The following EYS variants were observed in gnomAD, a reference collection of about 807,000 sequenced individuals.
EYS encodes protein eyes shut homolog.
In EYS, 250 loss-of-function variants were observed where a neutral mutation model predicts 282.1. The observed-to-expected ratio is 0.89, with a 90% CI of 0.80 to 0.98. The LOEUF (loss-of-function observed/expected upper bound fraction) is 0.98, where lower values mean the gene tolerates loss of function less well. EYS is among the 50% of genes least tolerant of loss of function. The pLI is 0.00. For missense variants in EYS, 4,016 were observed against 3,709.0 expected, an observed-to-expected ratio of 1.08 and a Z score of -2.15; for synonymous variants, 1,355 against 1,282.9, an observed-to-expected ratio of 1.06 and a Z score of -1.20.
intron 26 of EYS, among the ~76,000 whole-genome samples, chr6:64,578,302 C>A (rs1173232594): frequency 6.6e-6 from 1 of 152,068 alleles, no homozygotes; most frequent in Non-Finnish European, 1.5e-5. Context: ...CTTCATCCTC[C>A]ACAAGTCTCT....
chr6:65,668,859 C>T (rs115279715), intron 1 of EYS, among the ~76,000 whole-genome samples: 1,943 of 151,884 alleles, frequency 0.013, 31 homozygotes, highest in African/African-American at 0.043. Flanking sequence ...CAGTAGATTA[C>T]GCTGCTTTAA....
intron 5 of EYS, among the ~76,000 whole-genome samples, chr6:65,462,427 C>A (rs1000035067): frequency 2.0e-5 from 3 of 151,956 alleles, no homozygotes; most frequent in Non-Finnish European, 4.4e-5. Context: ...TCATAGAACT[C>A]TGCACACACA....
At chr6:65,561,703 T>C (rs1471185329) in intron 2 of EYS, among the ~76,000 whole-genome samples, 1 of 152,088 alleles carries the variant, frequency 6.6e-6, no homozygotes, top group Non-Finnish European at 1.5e-5. Flanking sequence ...ATCTTAAAAA[T>C]ATGTAGGGCT....
intron 19 of EYS, among the ~76,000 whole-genome samples, chr6:64,844,744 A>G (rs1274890574): frequency 1.3e-5 from 2 of 152,138 alleles, no homozygotes; most frequent in Non-Finnish European, 2.9e-5. Context: ...GGACTTTTAT[A>G]CTAACAAAAT....
intron 15 of EYS, among the ~76,000 whole-genome samples, chr6:64,926,201 C>T (rs1238464355): frequency 2.6e-5 from 4 of 152,178 alleles, no homozygotes; most frequent in Non-Finnish European, 5.9e-5. Flanking sequence ...AGAGGGAGCA[C>T]CCAAGTACTG....
chr6:64,703,273 T>C (rs192924443), intron 22 of EYS, among the ~76,000 whole-genome samples: 388 of 151,020 alleles, frequency 2.6e-3, no homozygotes, highest in Non-Finnish European at 4.5e-3. Flanking sequence ...ATTAATATCC[T>C]TGTTGTATTG....
At chr6:64,813,641 T>C in intron 21 of EYS, 64 bp from the exon 22 acceptor site, 1 of 973,950 alleles carries the variant, frequency 1.0e-6, no homozygotes. Context: ...TTAATATAAT[T>C]ATATTTTTAT....
chr6:63,720,362 C>T lies in EYS; in HGVS notation c.*234G>A, dbSNP rs1426059521. On this transcript the variant is annotated 3_prime_UTR_variant, in exon 43 of 43. Transcript: ENST00000503581. ...AATAAGCACATTCTGTGAATAAGCACTGAACTAATGGAGTTAAAACATGAA... is the reference window on the plus strand; with the variant it reads ...AATAAGCACATTCTGTGAATAAGCATTGAACTAATGGAGTTAAAACATGAA... 2 of 440,260 alleles carry T rather than the reference C, an allele frequency of 4.5e-6. No individual in the cohort carries two copies. Among genetic ancestry groups the T allele is most frequent in the African/African-American group, 4.1e-5 (2 of 48,952 alleles). 27.3% of individuals were successfully genotyped at this position (440,260 alleles called of 1,614,324 possible). A position where few individuals can be genotyped will look rare whatever the true frequency, so the allele number is the denominator to read the frequency against.
At chr6:64,136,395 T>G (rs947899743) in intron 31 of EYS, among the ~76,000 whole-genome samples, 4 of 152,148 alleles carry the variant, frequency 2.6e-5, no homozygotes, top group Non-Finnish European at 4.4e-5. Context: ...CCCCTTCCCA[T>G]GAATCATAAA....
At chr6:64,463,117 T>C (rs1775806476) in intron 26 of EYS, among the ~76,000 whole-genome samples, 1 of 151,866 alleles carries the variant, frequency 6.6e-6, no homozygotes, top group African/African-American at 2.4e-5. Flanking sequence ...CGGCTATTTA[T>C]TTTTTGGATT....
intron 33 of EYS, among the ~76,000 whole-genome samples, chr6:64,022,978 C>T (rs1769265007): frequency 6.6e-6 from 1 of 152,196 alleles, no homozygotes; most frequent in African/African-American, 2.4e-5. Context: ...TTTTACTCGA[C>T]TTCAACAAAC....
intron 19 of EYS, among the ~76,000 whole-genome samples, chr6:64,824,464 T>C (rs1764990969): frequency 6.6e-6 from 1 of 151,970 alleles, no homozygotes; most frequent in South Asian, 2.1e-4. Context: ...ATGTTTAACA[T>C]TTTATTACTT....
At chr6:65,414,677 T>G (rs1767162405) in intron 5 of EYS, among the ~76,000 whole-genome samples, 1 of 152,108 alleles carries the variant, frequency 6.6e-6, no homozygotes, top group East Asian at 1.9e-4. Flanking sequence ...CTTTTAGATA[T>G]GTTAATTTCA....
chr6:64,422,196 A>C (rs974349764), intron 28 of EYS, among the ~76,000 whole-genome samples: 21 of 151,804 alleles, frequency 1.4e-4, no homozygotes, highest in Admixed American at 2.0e-4. Context: ...TTTTTTTTCT[A>C]ATAAAGACAT....
intron 41 of EYS, among the ~76,000 whole-genome samples, chr6:63,753,029 T>C (rs933739677): frequency 1.3e-5 from 2 of 151,376 alleles, no homozygotes; most frequent in Non-Finnish European, 2.9e-5. Context: ...TTTTTCTTCC[T>C]GTCCCTTCTT....
At chr6:64,415,797 G>A (rs936824906) in intron 28 of EYS, among the ~76,000 whole-genome samples, 4 of 152,140 alleles carry the variant, frequency 2.6e-5, no homozygotes, top group African/African-American at 9.7e-5. Context: ...TTAGCATCTC[G>A]TAAGGAAATG....
intron 28 of EYS, among the ~76,000 whole-genome samples, chr6:64,428,610 A>G (rs1422066796): frequency 2.0e-5 from 3 of 152,146 alleles, no homozygotes; most frequent in Non-Finnish European, 2.9e-5. Context: ...CTTTGTTTCC[A>G]TAAGTTGTTG....
intron 5 of EYS, among the ~76,000 whole-genome samples, chr6:65,417,383 A>G (rs755055563): frequency 1.3e-5 from 2 of 152,078 alleles, no homozygotes; most frequent in Non-Finnish European, 2.9e-5. Flanking sequence ...ATGAAAGTTT[A>G]GCAGTTAAAA....
intron 18 of EYS, among the ~76,000 whole-genome samples, chr6:64,899,918 A>G (rs902280451): frequency 1.3e-5 from 2 of 152,130 alleles, no homozygotes; most frequent in Non-Finnish European, 2.9e-5. Flanking sequence ...GAGCCCATAT[A>G]CCCAAGACAA....
Sources: gnomAD v4.1 joint callset for allele counts (sites outside exome capture counted in the v4.1 genomes callset) on GRCh38, gnomAD v4.1.1 for gene constraint, MANE v1.5 for transcripts, NCBI Gene and HGNC (gene_info 2026-07-23, HGNC 2026-07-21) for gene names.